The following ORC1 variants were observed in gnomAD, a reference collection of about 807,000 sequenced individuals.
ORC1 encodes origin recognition complex, subunit 1 homolog.
Under a neutral mutation model 98.9 loss-of-function variants are expected in ORC1, and 61 were observed. The ratio of observed to expected loss-of-function variants is 0.62; its 90% CI spans 0.50 to 0.76. ORC1 has a LOEUF of 0.76. Among genes scored for constraint, ORC1 ranks in the 30% least tolerant of loss-of-function variants. The probability of loss-of-function intolerance (pLI) is 0.00; values close to 1 mark genes in which losing one functional copy is unlikely to be tolerated. For synonymous variants in ORC1, 385 were observed against 406.9 expected, an observed-to-expected ratio of 0.95 and a Z score of 0.65; for missense variants, 979 against 1,072.2, an observed-to-expected ratio of 0.91 and a Z score of 1.21.
At chr1:52,389,562 C>A (rs181101483) in intron 6 of ORC1, among the ~76,000 whole-genome samples, 131 of 152,218 alleles carry the variant, frequency 8.6e-4, no homozygotes, top group African/African-American at 2.9e-3. Context: ...TTAGACTCAC[C>A]AACTCCCCAA....
At chr1:52,405,096 A>T (rs1647938950), upstream of ORC1, among the ~76,000 whole-genome samples, 1 of 152,228 alleles carries the variant, frequency 6.6e-6, no homozygotes, top group Admixed American at 6.5e-5. Flanking sequence ...AGGCTGTCTC[A>T]GTTGGGTGTT....
At chr1:52,387,674 G>A (rs1043927868) in intron 8 of ORC1, among the ~76,000 whole-genome samples, 6 of 152,070 alleles carry the variant, frequency 3.9e-5, no homozygotes, top group Admixed American at 3.9e-4. Context: ...GGCCAGGCTG[G>A]TCTTGAATTC....
At chr1:52,398,731 G>T (rs1011569942) in intron 3 of ORC1, among the ~76,000 whole-genome samples, 1 of 151,904 alleles carries the variant, frequency 6.6e-6, no homozygotes, top group African/African-American at 2.4e-5. Context: ...ACAGGCGCCC[G>T]CCATCACGCC....
intron 3 of ORC1, 135 bp downstream of exon 3, chr1:52,401,227 C>T (rs979527695): frequency 1.1e-5 from 12 of 1,104,484 alleles, no homozygotes; most frequent in Middle Eastern, 2.0e-4. Context: ...TGGAAGAAGA[C>T]GCAGCTAGTT....
intron 6 of ORC1, among the ~76,000 whole-genome samples, chr1:52,390,758 G>A (rs1647197815): frequency 1.3e-5 from 2 of 152,078 alleles, no homozygotes; most frequent in Admixed American, 6.5e-5. Flanking sequence ...TGGGTATGGT[G>A]GCAGGTGCCT....
chr1:52,374,572 T>TTTGAA (rs1195570709), intron 16 of ORC1, among the ~76,000 whole-genome samples: 1 of 152,248 alleles, frequency 6.6e-6, no homozygotes, highest in African/African-American at 2.4e-5. Flanking sequence ...GTCTTGTTCC[T>TTTGAA]CATTCTTTGA....
chr1:52,397,629 A>C (rs1246810980), intron 4 of ORC1, 56 bp downstream of exon 4: 1 of 1,529,588 alleles, frequency 6.5e-7, no homozygotes, highest in African/African-American at 1.4e-5. Context: ...CATGAAGTTC[A>C]GGAGGCAGAC....
chr1:52,406,131 G>C (rs1647984795), upstream of ORC1, among the ~76,000 whole-genome samples: 1 of 152,130 alleles, frequency 6.6e-6, no homozygotes, highest in Non-Finnish European at 1.5e-5. Context: ...TGGGATTACA[G>C]GCATGTGCCA....
chr1:52,383,413 A>G lies in ORC1; in HGVS notation c.2013+7T>C, dbSNP rs1647097964. The G allele has an allele frequency of 6.2e-7, 1 of 1,612,294 alleles. No homozygotes were observed. Among genetic ancestry groups the G allele is most frequent in the South Asian group, 1.1e-5 (1 of 91,000 alleles). On this transcript the variant is annotated splice_region_variant and intron_variant, in intron 13 of 16. Transcript: ENST00000371568. ...AAGAACAGCATGGGAACTGCCCTAGAACCTACCAGTCGGCTGGACACCCGG... is the reference window on the plus strand; with the variant it reads ...AAGAACAGCATGGGAACTGCCCTAGGACCTACCAGTCGGCTGGACACCCGG...
intron 3 of ORC1, 80 bp from the exon 4 acceptor site, chr1:52,397,943 T>G: frequency 7.7e-7 from 1 of 1,298,146 alleles, no homozygotes. Context: ...TGCCAGACAC[T>G]GTGCTTAACC....
chr1:52,403,288 C>T (rs924186942), intron 1 of ORC1, among the ~76,000 whole-genome samples: 1 of 152,212 alleles, frequency 6.6e-6, no homozygotes, highest in Non-Finnish European at 1.5e-5. Context: ...GGTAAATCCA[C>T]TTTCCCACTA....
chr1:52,387,521 G>T (rs746531792), intron 8 of ORC1, among the ~76,000 whole-genome samples: 1 of 152,084 alleles, frequency 6.6e-6, no homozygotes, highest in Non-Finnish European at 1.5e-5. Flanking sequence ...GCTATGGTGC[G>T]ATCTCAGCTC....
intron 8 of ORC1, among the ~76,000 whole-genome samples, chr1:52,388,112 G>A (rs1221009916): frequency 3.3e-5 from 5 of 152,120 alleles, no homozygotes; most frequent in African/African-American, 4.8e-5. Context: ...CTCGGTGGCC[G>A]TACATGCGAT....
chr1:52,398,143 C>A (rs1409892437), intron 3 of ORC1, among the ~76,000 whole-genome samples: 2 of 151,826 alleles, frequency 1.3e-5, no homozygotes, highest in Non-Finnish European at 2.9e-5. Context: ...TTTGTATTTT[C>A]AGTAGAAACG....
In ORC1 at chr1:52,373,152, A is replaced by AC. The variant is rs1646954972; in HGVS notation, c.*28dup. 1 of 1,609,524 alleles carries AC rather than the reference A, an allele frequency of 6.2e-7. No individual in the cohort carries two copies. The highest frequency in any genetic ancestry group is 8.5e-7 in the Non-Finnish European group (1 of 1,176,700). Reference sequence around the variant, plus strand: ...GTCTCAAAAAACAAAACCCAGCAAGACCCCAGTCTTTTAACTTGTGAAGCC... The same window carrying AC: ...GTCTCAAAAAACAAAACCCAGCAAGACCCCCAGTCTTTTAACTTGTGAAGCC... On this transcript the variant is annotated 3_prime_UTR_variant, in exon 17 of 17. Transcript: ENST00000371568.
chr1:52,389,130 TAAAC>T, intron 7 of ORC1, 83 bp downstream of exon 7: 2 of 982,486 alleles, frequency 2.0e-6, no homozygotes, highest in Non-Finnish European at 3.3e-6. Context: ...GATTGGCAAA[TAAAC>T]AGTATAAGAG....
At chr1:52,400,180 G>A (rs1284985655) in intron 3 of ORC1, among the ~76,000 whole-genome samples, 2 of 152,134 alleles carry the variant, frequency 1.3e-5, no homozygotes, top group Admixed American at 1.3e-4. Flanking sequence ...TTATCTATGT[G>A]CAGTACTCTC....
At chr1:52,405,519 C>T (rs1332982601), upstream of ORC1, among the ~76,000 whole-genome samples, 1 of 152,180 alleles carries the variant, frequency 6.6e-6, no homozygotes, top group Non-Finnish European at 1.5e-5. Flanking sequence ...TATCCATTCT[C>T]AATGTATATT....
At chr1:52,394,795 T>C (rs1281879227) in intron 5 of ORC1, among the ~76,000 whole-genome samples, 1 of 152,070 alleles carries the variant, frequency 6.6e-6, no homozygotes, top group Admixed American at 6.5e-5. Flanking sequence ...ATTACAGGTA[T>C]GTGCTGCCAC....
Sources: allele counts gnomAD v4.1 joint callset (sites outside exome capture counted in the v4.1 genomes callset), GRCh38; gene constraint gnomAD v4.1.1; transcripts MANE v1.5; gene names NCBI Gene and HGNC (gene_info 2026-07-23, HGNC 2026-07-21).